The following PIK3CG variants were observed in gnomAD, a reference collection of about 807,000 sequenced individuals.
PIK3CG encodes the protein phosphatidylinositol 4,5-bisphosphate 3-kinase catalytic subunit gamma isoform.
Under a neutral mutation model 102.3 loss-of-function variants are expected in PIK3CG, and 55 were observed. That is an observed-to-expected ratio of 0.54 (90% confidence interval 0.43 to 0.67). The LOEUF (loss-of-function observed/expected upper bound fraction) is 0.67. PIK3CG is among the 30% of genes least tolerant of loss of function. The pLI is 0.00. For missense variants in PIK3CG, 1,258 were observed against 1,391.8 expected (o/e 0.90, Z 1.53); for synonymous variants, 552 against 540.0 (o/e 1.02, Z -0.31).
At chr7:106,871,432 A>G (rs1790526953) in intron 2 of PIK3CG, among the ~76,000 whole-genome samples, 1 of 152,260 alleles carries the variant, frequency 6.6e-6, no homozygotes, top group Non-Finnish European at 1.5e-5. Flanking sequence ...TGATGAAGCC[A>G]CTAGTGATCA....
In PIK3CG at chr7:106,872,491, C is replaced by T. The variant is rs73186294; in HGVS notation, c.1996-46C>T. On this transcript the variant is annotated intron_variant, in intron 2 of 10. Coordinates refer to ENST00000496166, the MANE Select transcript of PIK3CG (RefSeq NM_001282426.2). The surrounding 1 kb of genome is among the most constrained non-coding windows in gnomAD (Gnocchi z 5.3). The stretch of plus-strand genomic sequence containing the variant: ...CTCCATTTCCTTTTCCCTGATTCAA[C>T]GACATAGAGTACAGTCCTACAAATG... 25 of 1,447,394 alleles carry T rather than the reference C, an allele frequency of 1.7e-5. No individual in the cohort carries two copies. Among genetic ancestry groups the T allele is most frequent in the Non-Finnish European group, 2.4e-5 (25 of 1,031,952 alleles). The allele number at this position is 1,447,394 out of a possible 1,614,324, so 89.7% of individuals were successfully genotyped here.
At chr7:106,876,009 G>A (rs1238648386) in intron 5 of PIK3CG, among the ~76,000 whole-genome samples, 2 of 147,012 alleles carry the variant, frequency 1.4e-5, no homozygotes, top group East Asian at 4.1e-4. Flanking sequence ...CCGCTTCCCG[G>A]GTTCACGCCA....
chr7:106,904,049 C>T (rs1317453729), intron 10 of PIK3CG, among the ~76,000 whole-genome samples: 1 of 152,130 alleles, frequency 6.6e-6, no homozygotes, highest in East Asian at 1.9e-4. Context: ...GTGTGAGCCA[C>T]CGCACCAGGC....
chr7:106,873,992 G>T (rs1790630531), intron 4 of PIK3CG, among the ~76,000 whole-genome samples: 1 of 151,842 alleles, frequency 6.6e-6, no homozygotes, highest in South Asian at 2.1e-4. Flanking sequence ...TAGCACTATG[G>T]CTCATTACAT....
Position 106,908,632 on chromosome 7 carries a change from T to C in PIK3CG, c.*3245T>C, listed in dbSNP as rs142879814. On this transcript the variant is annotated 3_prime_UTR_variant, in exon 11 of 11. Coordinates refer to ENST00000496166, the MANE Select transcript of PIK3CG (RefSeq NM_001282426.2). The surrounding 1 kb of genome is among the most constrained non-coding windows in gnomAD (Gnocchi z 4.1). ...CAGAGAAAACTCTTGACTTAAAAAC[T>C]TAACTGTAGTAAATATATCTTTTTC... 6.6e-6 allele frequency among the ~76,000 whole-genome samples: 1 copy of C among 152,314 alleles called. No individual in the cohort carries two copies. Among genetic ancestry groups the C allele is most frequent in the East Asian group, 1.9e-4 (1 of 5,188 alleles).
At position 106,868,851 on chromosome 7, in the gene PIK3CG, C is replaced by T. The variant is rs1188367561; in HGVS notation, c.1290C>T (p.Asn430=). 1.2e-6 allele frequency: 2 copies of T among 1,614,170 alleles called. No individual in the cohort carries two copies. The highest frequency in any genetic ancestry group is 1.7e-5 in the Admixed American group (1 of 60,030). ...IKDLPKGALL[N]LQIYCGKAPA... ...ACTTGCCCAAAGGGGCTCTACTGAA[C>T]CTCCAGATCTACTGCGGTAAAGCTC... The change falls in exon 2 of 11, where the codon AAC becomes AAT. Residue 430 remains asparagine (N), a synonymous_variant. Transcript: ENST00000496166. This position sits in a 1 kb window ranked among gnomAD's most constrained non-coding sequence, Gnocchi z 6.2.
rs755613711 is a variant in PIK3CG, at chr7:106,867,623, G to A, written c.62G>A (p.Arg21Gln). The A allele has an allele frequency of 5.6e-6, 9 of 1,611,580 alleles. No homozygotes were observed. The highest frequency in any genetic ancestry group is 2.2e-5 in the East Asian group (1 of 44,848). ...VLREDNCRRR[R>Q]RMKPRSAAAS... ...AGAGAGGACAACTGCCGAAGGCGCC[G>A]GAGGATGAAGCCGCGCAGTGCTGCG... The change falls in exon 2 of 11, where the codon CGG becomes CAG. Residue 21 changes from arginine (R) to glutamine (Q), a missense_variant. Arg to Gln is a conservative substitution (Grantham distance 43). Around this residue, in one of 2 missense-constraint regions of PIK3CG, gnomAD observed 832 missense variants for 787.5 expected, o/e 1.06. Transcript: ENST00000496166. This position sits in a 1 kb window ranked among gnomAD's most constrained non-coding sequence, Gnocchi z 5.1.
At position 106,890,759 on chromosome 7, in the gene PIK3CG, C is replaced by A. The variant is rs1298300347; in HGVS notation, c.3030+4467C>A. On this transcript the variant is annotated intron_variant, in intron 10 of 10. Coordinates refer to ENST00000496166, the MANE Select transcript of PIK3CG (RefSeq NM_001282426.2). The surrounding 1 kb of genome is among the most constrained non-coding windows in gnomAD (Gnocchi z 4.2). ...GTCATTCTGAATAAAATCTAAATAT[C>A]CAGGCTTGGCCTGCTAGGCCCTGTG... is the stretch of plus-strand genomic sequence containing the variant. 6.6e-6 allele frequency among the ~76,000 whole-genome samples: 1 copy of A among 152,222 alleles called. No individual in the cohort carries two copies. Among genetic ancestry groups the A allele is most frequent in the African/African-American group, 2.4e-5 (1 of 41,458 alleles).
chr7:106,897,950 A>G lies in PIK3CG; in HGVS notation c.3031-7159A>G, dbSNP rs1791450161. Reference sequence around the variant, plus strand: ...AGTCATGCTTTTAGCTCTTTGAAGAATCGCCACATTGCTTTCCACAATGGT... The same window carrying G: ...AGTCATGCTTTTAGCTCTTTGAAGAGTCGCCACATTGCTTTCCACAATGGT... On this transcript the variant is annotated intron_variant, in intron 10 of 10. Transcript: ENST00000496166. This position sits in a 1 kb window ranked among gnomAD's most constrained non-coding sequence, Gnocchi z 4.6. 6.6e-6 allele frequency among the ~76,000 whole-genome samples: 1 copy of G among 152,214 alleles called. No individual in the cohort carries two copies. Among genetic ancestry groups the G allele is most frequent in the Non-Finnish European group, 1.5e-5 (1 of 68,038 alleles).
rs946898246 is a variant in PIK3CG, at chr7:106,902,237, G to T, written c.3031-2872G>T. 1.6e-5 allele frequency among the ~76,000 whole-genome samples: 2 copies of T among 124,088 alleles called. No individual in the cohort carries two copies. The highest frequency in any genetic ancestry group is 3.7e-5 in the Non-Finnish European group (2 of 54,290). The allele number at this position is 124,088 out of a possible 152,430, so 81.4% of individuals were successfully genotyped here. A position where few individuals can be genotyped will look rare whatever the true frequency, so the allele number is the denominator to read the frequency against. Reference sequence around the variant, plus strand: ...GTCTGTGCTGTGGGCCCAAGCCAGGGGTTTCCTGTCTTGTGTCAAGCAATG... The same window carrying T: ...GTCTGTGCTGTGGGCCCAAGCCAGGTGTTTCCTGTCTTGTGTCAAGCAATG... On this transcript the variant is annotated intron_variant, in intron 10 of 10. Transcript: ENST00000496166. The surrounding 1 kb of genome is among the most constrained non-coding windows in gnomAD (Gnocchi z 4.3).
Position 106,890,267 on chromosome 7 carries a change from T to C in PIK3CG, c.3030+3975T>C, listed in dbSNP as rs1791234502. 6.6e-6 allele frequency among the ~76,000 whole-genome samples: 1 copy of C among 151,650 alleles called. No homozygotes were observed. The highest frequency in any genetic ancestry group is 2.1e-4 in the South Asian group (1 of 4,796). Reference sequence around the variant, plus strand: ...TGTGATCTCGGCTCACTGCAACCTCTGCCTCCTGGGTTCACACCACTCTCC... The same window carrying C: ...TGTGATCTCGGCTCACTGCAACCTCCGCCTCCTGGGTTCACACCACTCTCC... On this transcript the variant is annotated intron_variant, in intron 10 of 10. Coordinates refer to ENST00000496166, the MANE Select transcript of PIK3CG (RefSeq NM_001282426.2). The surrounding 1 kb of genome is among the most constrained non-coding windows in gnomAD (Gnocchi z 4.2).
In PIK3CG at chr7:106,868,106, C is replaced by G. The variant is rs368836634; in HGVS notation, c.545C>G (p.Thr182Ser). 1.2e-6 allele frequency: 2 copies of G among 1,613,014 alleles called. No homozygotes were observed. Among genetic ancestry groups the G allele is most frequent in the South Asian group, 1.1e-5 (1 of 91,056 alleles). ...ELEFTRRGLV[T>S]PRMAEVASRD... ...GAGTTCACGCGCCGTGGCTTGGTGA[C>G]CCCGCGCATGGCGGAGGTGGCCAGC... The change falls in exon 2 of 11, where the codon ACC becomes AGC. Residue 182 changes from threonine (T) to serine (S), a missense_variant. Thr to Ser is a moderately conservative substitution (Grantham distance 58). Transcript: ENST00000496166. The surrounding 1 kb of genome is among the most constrained non-coding windows in gnomAD (Gnocchi z 6.2).
At chr7:106,881,171 G>A (rs566563459) in intron 6 of PIK3CG, among the ~76,000 whole-genome samples, 1 of 152,222 alleles carries the variant, frequency 6.6e-6, no homozygotes, top group African/African-American at 2.4e-5. Context: ...AAATTGCTGG[G>A]ATTCTAGGCA....
At position 106,907,763 on chromosome 7, in the gene PIK3CG, A is replaced by ATAACATATATATGCTAATATATAT. The variant is rs1562805959; in HGVS notation, c.*2377_*2400dup. On this transcript the variant is annotated 3_prime_UTR_variant, in exon 11 of 11. Coordinates refer to ENST00000496166, the MANE Select transcript of PIK3CG (RefSeq NM_001282426.2). ...ATAACATATATATGCTAATATATAT[A>ATAACATATATATGCTAATATATAT]TAACATATATATGCTAATATATATA... 2.2e-5 allele frequency among the ~76,000 whole-genome samples: 2 copies of ATAACATATATATGCTAATATATAT among 92,106 alleles called. No homozygotes were observed. Among genetic ancestry groups the ATAACATATATATGCTAATATATAT allele is most frequent in the East Asian group, 8.5e-4 (2 of 2,356 alleles). The allele number at this position is 92,106 out of a possible 152,430, so 60.4% of individuals were successfully genotyped here.
Position 106,874,115 on chromosome 7 carries a change from T to A in PIK3CG, c.2288-585T>A, listed in dbSNP as rs1219652999. ...AAAATGATGATGGTAATAATAATAT[T>A]TTATTTGCATTTTAAGAAAGGAAAA... is the stretch of plus-strand genomic sequence containing the variant. On this transcript the variant is annotated intron_variant, in intron 4 of 10. Transcript: ENST00000496166. This position sits in a 1 kb window ranked among gnomAD's most constrained non-coding sequence, Gnocchi z 4.3. Among the ~76,000 whole-genome samples, 2 of 152,194 alleles carry A rather than the reference T, an allele frequency of 1.3e-5. No homozygotes were observed. Among genetic ancestry groups the A allele is most frequent in the Non-Finnish European group, 2.9e-5 (2 of 68,024 alleles).
chr7:106,905,941 C>T lies in PIK3CG; in HGVS notation c.*554C>T, dbSNP rs1247955320. 1.7e-5 allele frequency: 4 copies of T among 230,650 alleles called. No homozygotes were observed. The highest frequency in any genetic ancestry group is 2.6e-5 in the Non-Finnish European group (3 of 116,860). The allele number at this position is 230,650 out of a possible 1,614,324, so 14.3% of individuals were successfully genotyped here. On this transcript the variant is annotated 3_prime_UTR_variant, in exon 11 of 11. Coordinates refer to ENST00000496166, the MANE Select transcript of PIK3CG (RefSeq NM_001282426.2). This position sits in a 1 kb window ranked among gnomAD's most constrained non-coding sequence, Gnocchi z 5.6. ...TTTCAGTGTCTTTTGCAATTCAATT[C>T]TTTTGTCATGTATAACTGAGACACA...
rs1250312598 is a variant in PIK3CG, at chr7:106,897,351, T to TGAGGTATGTTTTACATAGA, written c.3031-7756_3031-7738dup. Among the ~76,000 whole-genome samples, 2 of 152,238 alleles carry TGAGGTATGTTTTACATAGA rather than the reference T, an allele frequency of 1.3e-5. No homozygotes were observed. The highest frequency in any genetic ancestry group is 2.1e-4 in the South Asian group (1 of 4,834). On this transcript the variant is annotated intron_variant, in intron 10 of 10. Coordinates refer to ENST00000496166, the MANE Select transcript of PIK3CG (RefSeq NM_001282426.2). The surrounding 1 kb of genome is among the most constrained non-coding windows in gnomAD (Gnocchi z 4.6). ...TAGATGTTTTTAAAGCCAGGTTTATTGAGGTATGTTTTACATAGAGTAAAA... is the reference window on the plus strand; with the variant it reads ...TAGATGTTTTTAAAGCCAGGTTTATTGAGGTATGTTTTACATAGAGAGGTATGTTTTACATAGAGTAAAA...
rs1791580870 is a variant in PIK3CG, at chr7:106,902,358, A to T, written c.3031-2751A>T. 6.6e-6 allele frequency among the ~76,000 whole-genome samples: 1 copy of T among 152,148 alleles called. No individual in the cohort carries two copies. The highest frequency in any genetic ancestry group is 2.4e-5 in the African/African-American group (1 of 41,418). The stretch of plus-strand genomic sequence containing the variant: ...GTGTAAAATCACCCTTTCTAGGTGT[A>T]CAGTTCTGTGAATTTTGACAAATGC... On this transcript the variant is annotated intron_variant, in intron 10 of 10. Coordinates refer to ENST00000496166, the MANE Select transcript of PIK3CG (RefSeq NM_001282426.2). This position sits in a 1 kb window ranked among gnomAD's most constrained non-coding sequence, Gnocchi z 4.3.
chr7:106,888,841 A>G (rs1791192691), intron 10 of PIK3CG, among the ~76,000 whole-genome samples: 1 of 152,162 alleles, frequency 6.6e-6, no homozygotes, highest in Non-Finnish European at 1.5e-5. Flanking sequence ...CCTGCGACTT[A>G]ATAACCACAT....
Sources: gnomAD v4.1 joint callset for allele counts (sites outside exome capture counted in the v4.1 genomes callset) on GRCh38, gnomAD v4.1.1 for gene constraint, gnomAD v4.1.1 regional missense constraint, Gnocchi (gnomAD v3.1) non-coding constraint, MANE v1.5 for transcripts, NCBI Gene and HGNC (gene_info 2026-07-23, HGNC 2026-07-21) for gene names.